Variants in CAMK2D observed in about 807,000 individuals in gnomAD.
CAMK2D encodes calcium/calmodulin-dependent protein kinase type II subunit delta.
CAMK2D carries 37 observed loss-of-function variants against 84.0 expected under a neutral mutation model. That is an observed-to-expected ratio of 0.44 (90% confidence interval 0.34 to 0.58). The LOEUF (loss-of-function observed/expected upper bound fraction) is 0.58. CAMK2D is among the 20% of genes least tolerant of loss of function. The pLI, the probability that CAMK2D is intolerant of heterozygous loss-of-function variation, is 0.02. For missense variants in CAMK2D, 448 were observed against 652.5 expected, an observed-to-expected ratio of 0.69 and a Z score of 3.41; for synonymous variants, 202 against 212.5, an observed-to-expected ratio of 0.95 and a Z score of 0.43.
At chr4:113,548,162 A>G (rs2098597400) in intron 5 of CAMK2D, among the ~76,000 whole-genome samples, 1 of 152,216 alleles carries the variant, frequency 6.6e-6, no homozygotes, top group Non-Finnish European at 1.5e-5. Context: ...TAAGATACCT[A>G]ATGAATTTTT....
At chr4:113,475,890 G>C (rs2097606158) in intron 16 of CAMK2D, among the ~76,000 whole-genome samples, 1 of 152,112 alleles carries the variant, frequency 6.6e-6, no homozygotes, top group South Asian at 2.1e-4. Flanking sequence ...TAATCTGCAA[G>C]GGCAGATTAT....
chr4:113,481,581 G>A (rs2097701678), intron 16 of CAMK2D, among the ~76,000 whole-genome samples: 1 of 152,176 alleles, frequency 6.6e-6, no homozygotes, highest in South Asian at 2.1e-4. Flanking sequence ...CCAAGTTCCA[G>A]TGATTCTTGT....
At chr4:113,547,578 A>C in intron 6 of CAMK2D, 66 bp downstream of exon 6, 1 of 1,049,444 alleles carries the variant, frequency 9.5e-7, no homozygotes, top group Non-Finnish European at 1.4e-6. Flanking sequence ...CTTTACAGGC[A>C]TAATTGCAGC....
intron 14 of CAMK2D, among the ~76,000 whole-genome samples, chr4:113,503,594 T>A (rs532221500): frequency 6.6e-6 from 1 of 152,296 alleles, no homozygotes; most frequent in East Asian, 1.9e-4. Flanking sequence ...ACTAATCTAC[T>A]AATCTAGAAC....
intron 4 of CAMK2D, among the ~76,000 whole-genome samples, chr4:113,579,253 G>GT (rs1362980751): frequency 2.0e-5 from 3 of 152,198 alleles, no homozygotes; most frequent in Non-Finnish European, 2.9e-5. Flanking sequence ...TCTCATCCAG[G>GT]TTTGGCTGCT....
chr4:113,660,985 A>T (rs1325635107), intron 3 of CAMK2D, among the ~76,000 whole-genome samples: 1 of 150,924 alleles, frequency 6.6e-6, no homozygotes, highest in Non-Finnish European at 1.5e-5. Flanking sequence ...TTTAGTAGAG[A>T]CGGGGTTTCA....
chr4:113,743,300 A>G (rs2099596950), intron 2 of CAMK2D, among the ~76,000 whole-genome samples: 1 of 152,212 alleles, frequency 6.6e-6, no homozygotes, highest in Admixed American at 6.5e-5. Context: ...TAAACAAAAG[A>G]TACCTCTTCT....
chr4:113,522,454 ACT>A (rs2098373539), intron 8 of CAMK2D, among the ~76,000 whole-genome samples: 2 of 151,176 alleles, frequency 1.3e-5, no homozygotes, highest in Admixed American at 6.6e-5. Flanking sequence ...CTCAACTAAC[ACT>A]CTGACCTAAA....
chr4:113,592,738 T>C (rs1388782242), intron 4 of CAMK2D, among the ~76,000 whole-genome samples: 2 of 152,322 alleles, frequency 1.3e-5, no homozygotes, highest in Non-Finnish European at 1.5e-5. Flanking sequence ...GTCTTAAAAA[T>C]GTAAATTTCT....
chr4:113,688,783 T>C (rs554438117), intron 2 of CAMK2D, among the ~76,000 whole-genome samples: 2 of 152,238 alleles, frequency 1.3e-5, no homozygotes, highest in South Asian at 4.1e-4. Context: ...CACCTCATTA[T>C]TGCTTCTTGT....
chr4:113,646,770 C>A (rs991417020), intron 3 of CAMK2D, among the ~76,000 whole-genome samples: 1 of 152,174 alleles, frequency 6.6e-6, no homozygotes, highest in Non-Finnish European at 1.5e-5. Context: ...GCCATCCCCT[C>A]GTTCTCTGAG....
At chr4:113,674,674 T>C (rs1050320542) in intron 2 of CAMK2D, among the ~76,000 whole-genome samples, 3 of 152,060 alleles carry the variant, frequency 2.0e-5, no homozygotes, top group Non-Finnish European at 4.4e-5. Flanking sequence ...ACTGCCCACC[T>C]GCTAAATGTC....
chr4:113,480,850 A>C (rs1167801943), intron 16 of CAMK2D, among the ~76,000 whole-genome samples: 2 of 152,108 alleles, frequency 1.3e-5, no homozygotes, highest in South Asian at 4.1e-4. Context: ...CAAAAACAAA[A>C]AAAGGGCTTG....
intron 2 of CAMK2D, among the ~76,000 whole-genome samples, chr4:113,673,533 A>G (rs776135642): frequency 2.6e-5 from 4 of 152,228 alleles, no homozygotes; most frequent in African/African-American, 4.8e-5. Context: ...CGGCATGACT[A>G]TCAGAGGAAC....
At chr4:113,582,944 A>G (rs2098817340) in intron 4 of CAMK2D, among the ~76,000 whole-genome samples, 1 of 152,214 alleles carries the variant, frequency 6.6e-6, no homozygotes, top group South Asian at 2.1e-4. Context: ...TCACACACCA[A>G]ATCGGAAGAT....
At position 113,517,668 on chromosome 4, in the gene CAMK2D, A is replaced by G; in HGVS notation, c.602-11T>C. On this transcript the variant is annotated splice_polypyrimidine_tract_variant and intron_variant, in intron 8 of 20. Transcript: ENST00000511664. ...TATAGAGAATGACACCTGGAGGAGA[A>G]TATAATGTTAACACAATTTAAGTCA... 1 of 1,279,612 alleles carries G rather than the reference A, an allele frequency of 7.8e-7. No individual in the cohort carries two copies. Among genetic ancestry groups the G allele is most frequent in the Middle Eastern group, 1.8e-4 (1 of 5,416 alleles). 79.3% of individuals were successfully genotyped at this position (1,279,612 alleles called of 1,614,324 possible). A position where few individuals can be genotyped will look rare whatever the true frequency, so the allele number is the denominator to read the frequency against.
intron 2 of CAMK2D, among the ~76,000 whole-genome samples, chr4:113,729,540 G>A (rs1051993822): frequency 6.6e-5 from 10 of 152,168 alleles, no homozygotes; most frequent in African/African-American, 2.4e-4. Flanking sequence ...CTCTTCTCTT[G>A]AGTCTCAATT....
At chr4:113,628,686 T>C (rs144930050) in intron 3 of CAMK2D, among the ~76,000 whole-genome samples, 192 of 152,266 alleles carry the variant, frequency 1.3e-3, no homozygotes, top group African/African-American at 4.5e-3. Flanking sequence ...AAAGAAAGTC[T>C]TGTATTATGT....
chr4:113,531,344 C>A, intron 7 of CAMK2D, 45 bp from the exon 8 acceptor site: 2 of 975,590 alleles, frequency 2.1e-6, no homozygotes, highest in Non-Finnish European at 3.3e-6. Context: ...TTTGACAAAA[C>A]AATATGAAAT....
Sources: gnomAD v4.1 joint callset for allele counts (sites outside exome capture counted in the v4.1 genomes callset) on GRCh38, gnomAD v4.1.1 for gene constraint, MANE v1.5 for transcripts, NCBI Gene and HGNC (gene_info 2026-07-23, HGNC 2026-07-21) for gene names.